The following ATP2A1 variants were observed in gnomAD, a reference collection of about 807,000 sequenced individuals.
ATP2A1 encodes the protein sarcoplasmic/endoplasmic reticulum calcium ATPase 1.
In ATP2A1, 83 loss-of-function variants were observed where a neutral mutation model predicts 109.5. That is an observed-to-expected ratio of 0.76 (90% CI 0.63 to 0.91). The LOEUF is 0.91. Among genes scored for constraint, ATP2A1 ranks in the 40% least tolerant of loss-of-function variants. The probability of loss-of-function intolerance (pLI) is 0.00; values close to 1 mark genes in which losing one functional copy is unlikely to be tolerated. For missense variants in ATP2A1, 1,101 were observed against 1,341.0 expected (o/e 0.82, Z 2.80); for synonymous variants, 505 against 537.6 (o/e 0.94, Z 0.84).
Position 28,904,381 on chromosome 16 carries a change from T to C in ATP2A1, c.*239T>C. 3.9e-6 allele frequency: 6 copies of C among 1,536,380 alleles called. No homozygotes were observed. The highest frequency in any genetic ancestry group is 5.2e-6 in the Non-Finnish European group (6 of 1,146,580). On this transcript the variant is annotated 3_prime_UTR_variant, in exon 23 of 23. Coordinates refer to ENST00000395503, the MANE Select transcript of ATP2A1 (RefSeq NM_004320.6). ...TCCCTCTCAACCTTGTAAATTCCCC[T>C]TCCCAACCCCGAGGGGCTTGCAGGG...
In ATP2A1 at chr16:28,903,846, A is replaced by C. The variant is rs1596690394; in HGVS notation, c.*37+105A>C. 1 of 1,129,858 alleles carries C rather than the reference A, an allele frequency of 8.9e-7. No individual in the cohort carries two copies. The highest frequency in any genetic ancestry group is 1.3e-6 in the Non-Finnish European group (1 of 747,764). The allele number at this position is 1,129,858 out of a possible 1,614,324, so 70.0% of individuals were successfully genotyped here. On this transcript the variant is annotated intron_variant, in intron 22 of 22. Coordinates refer to ENST00000395503, the MANE Select transcript of ATP2A1 (RefSeq NM_004320.6). This position sits in a 1 kb window ranked among gnomAD's most constrained non-coding sequence, Gnocchi z 5.6. ...CAAGGTCACTTGTGCTCGCAGCTCCACCTGGAGCCGTTGCCACTGCTGCTG... is the reference window on the plus strand; with the variant it reads ...CAAGGTCACTTGTGCTCGCAGCTCCCCCTGGAGCCGTTGCCACTGCTGCTG...
At position 28,902,448 on chromosome 16, in the gene ATP2A1, C is replaced by G; in HGVS notation, c.2524+62C>G. Reference sequence around the variant, plus strand: ...TGGGACTAACCCCCTCTCTGGGACACCAGCTCCCCCATGCAGGTGCTGAGA... The same window carrying G: ...TGGGACTAACCCCCTCTCTGGGACAGCAGCTCCCCCATGCAGGTGCTGAGA... On this transcript the variant is annotated intron_variant, in intron 17 of 22. Transcript: ENST00000395503. This position sits in a 1 kb window ranked among gnomAD's most constrained non-coding sequence, Gnocchi z 4.8. 3 of 1,588,630 alleles carry G rather than the reference C, an allele frequency of 1.9e-6. No individual in the cohort carries two copies. The highest frequency in any genetic ancestry group is 2.6e-6 in the Non-Finnish European group (3 of 1,161,230).
intron 2 of ATP2A1, 184 bp from the exon 3 acceptor site, chr16:28,879,317 G>A: frequency 1.2e-6 from 1 of 838,638 alleles, no homozygotes; most frequent in Non-Finnish European, 2.0e-6. Flanking sequence ...CCCTTGAACT[G>A]CCCCCCACTT....
At chr16:28,887,944 G>GGAC (rs1963660663) in intron 8 of ATP2A1, among the ~76,000 whole-genome samples, 1 of 152,196 alleles carries the variant, frequency 6.6e-6, no homozygotes, top group Non-Finnish European at 1.5e-5. Context: ...GGGACTACAG[G>GGAC]TGCACGCCGC....
intron 9 of ATP2A1, among the ~76,000 whole-genome samples, chr16:28,889,975 C>G (rs1431562153): frequency 1.3e-5 from 2 of 152,080 alleles, no homozygotes; most frequent in Non-Finnish European, 2.9e-5. Flanking sequence ...AACCCCATCT[C>G]TACTAAAAAT....
At chr16:28,892,971 G>T (rs967493603) in intron 9 of ATP2A1, among the ~76,000 whole-genome samples, 2 of 151,946 alleles carry the variant, frequency 1.3e-5, no homozygotes, top group Non-Finnish European at 2.9e-5. Context: ...TTGAACCCAG[G>T]AGGCGGAGGT....
At chr16:28,881,339 C>T (rs867426281) in intron 4 of ATP2A1, 8 of 427,678 alleles carry the variant, frequency 1.9e-5, no homozygotes, top group African/African-American at 8.1e-5. Flanking sequence ...ATTCAATAGA[C>T]GCTAGCTTGA....
In ATP2A1 at chr16:28,902,046, C is replaced by G. The variant is rs758893778; in HGVS notation, c.2284C>G (p.Arg762Gly). Residue 762 changes from arginine (R) to glycine (G), a missense_variant, in exon 16 of 23, where the codon CGC (arginine) becomes GGC (glycine). Physicochemically the swap from Arg to Gly is moderately radical, Grantham distance 125. Coordinates refer to ENST00000395503, the MANE Select transcript of ATP2A1 (RefSeq NM_004320.6). The surrounding 1 kb of genome is among the most constrained non-coding windows in gnomAD (Gnocchi z 4.8). ...CTACAACAACATGAAGCAGTTCATC[C>G]GCTACCTCATTTCCTCCAACGTGGG... ...AIYNNMKQFI[R>G]YLISSNVGEV... 6.2e-7 allele frequency: 1 copy of G among 1,614,212 alleles called. No homozygotes were observed. The highest frequency in any genetic ancestry group is 1.1e-5 in the South Asian group (1 of 91,088).
chr16:28,896,176 A>T (rs1963911301), intron 12 of ATP2A1, among the ~76,000 whole-genome samples: 1 of 152,120 alleles, frequency 6.6e-6, no homozygotes. Flanking sequence ...AGAAGTATCC[A>T]TGATACATTT....
At chr16:28,890,542 C>A (rs146956045) in intron 9 of ATP2A1, among the ~76,000 whole-genome samples, 1,542 of 152,172 alleles carry the variant, frequency 0.01, 23 homozygotes, top group African/African-American at 0.034. Context: ...GTAATCCTAG[C>A]ACTTTGGGAG....
At chr16:28,896,326 A>C (rs1963915266) in intron 12 of ATP2A1, among the ~76,000 whole-genome samples, 1 of 152,132 alleles carries the variant, frequency 6.6e-6, no homozygotes, top group Admixed American at 6.6e-5. Context: ...TCCTGGGTTC[A>C]AGCAATTCTC....
chr16:28,882,100 C>CTTTT (rs778416146), intron 4 of ATP2A1, among the ~76,000 whole-genome samples: 8 of 90,408 alleles, frequency 8.8e-5, no homozygotes, highest in African/African-American at 3.7e-4. Context: ...CTACGCCCGG[C>CTTTT]TTTTTTTTTT....
chr16:28,885,139 C>T (rs1454519331), intron 6 of ATP2A1, among the ~76,000 whole-genome samples: 2 of 151,682 alleles, frequency 1.3e-5, no homozygotes, highest in East Asian at 4.0e-4. Flanking sequence ...GTCCCAGCTA[C>T]TCAGGAGGCT....
chr16:28,878,545 A>C lies in ATP2A1; in HGVS notation c.-127A>C. Reference sequence around the variant, plus strand: ...CTTTGTGGAGGGAAGAAAAACCTGGAGGGGGCAGGAGAGTAAAAAGAAGAA... The same window carrying C: ...CTTTGTGGAGGGAAGAAAAACCTGGCGGGGGCAGGAGAGTAAAAAGAAGAA... On this transcript the variant is annotated 5_prime_UTR_variant, in exon 1 of 23. Coordinates refer to ENST00000395503, the MANE Select transcript of ATP2A1 (RefSeq NM_004320.6). The C allele has an allele frequency of 1.2e-6, 1 of 837,850 alleles. No homozygotes were observed. Among genetic ancestry groups the C allele is most frequent in the Non-Finnish European group, 2.0e-6 (1 of 508,008 alleles). The allele number at this position is 837,850 out of a possible 1,614,324, so 51.9% of individuals were successfully genotyped here.
In ATP2A1 at chr16:28,882,600, G is replaced by A. The variant is rs769861004; in HGVS notation, c.463+11G>A. ...TCGTGGAGGTGGCTGGTGAGTGACA[G>A]GGACGGCTGGTCCAGGATGGGAGGC... On this transcript the variant is annotated intron_variant, in intron 5 of 22. Transcript: ENST00000395503. 18 of 1,613,772 alleles carry A rather than the reference G, an allele frequency of 1.1e-5. No individual in the cohort carries two copies. The highest frequency in any genetic ancestry group is 1.6e-4 in the Middle Eastern group (1 of 6,084).
intron 15 of ATP2A1, 60 bp from the exon 16 acceptor site, chr16:28,901,803 T>G: frequency 1.4e-6 from 2 of 1,465,084 alleles, no homozygotes; most frequent in Non-Finnish European, 1.9e-6. Flanking sequence ...AAATAAAACC[T>G]TTTTTAAAAA....
chr16:28,894,778 GA>G, intron 11 of ATP2A1, 43 bp from the exon 12 acceptor site: 2 of 1,609,352 alleles, frequency 1.2e-6, no homozygotes, highest in Non-Finnish European at 1.7e-6. Flanking sequence ...TGACAGGTAG[GA>G]GCCTGGGGCA....
intron 12 of ATP2A1, among the ~76,000 whole-genome samples, chr16:28,895,318 A>AT (rs1156390330): frequency 2.0e-5 from 3 of 152,170 alleles, no homozygotes; most frequent in Non-Finnish European, 2.9e-5. Flanking sequence ...CTGACTTAGG[A>AT]TTTGGGAAAT....
At chr16:28,888,284 C>T (rs1028100525) in intron 8 of ATP2A1, among the ~76,000 whole-genome samples, 3 of 151,606 alleles carry the variant, frequency 2.0e-5, no homozygotes, top group Admixed American at 6.6e-5. Context: ...CCACCCGCCT[C>T]GGCCTCCCAA....
Sources: gnomAD v4.1 joint callset for allele counts (sites outside exome capture counted in the v4.1 genomes callset) on GRCh38, gnomAD v4.1.1 for gene constraint, Gnocchi (gnomAD v3.1) non-coding constraint, MANE v1.5 for transcripts, NCBI Gene and HGNC (gene_info 2026-07-23, HGNC 2026-07-21) for gene names.